The following TMEM245 variants were observed in gnomAD, a reference collection of about 807,000 sequenced individuals.
TMEM245 encodes the protein protein CG-2.
Under a neutral mutation model 101.2 loss-of-function variants are expected in TMEM245, and 69 were observed. The ratio of observed to expected loss-of-function variants is 0.68; its 90% CI spans 0.56 to 0.83. The LOEUF is 0.83. Among genes scored for constraint, TMEM245 ranks in the 40% least tolerant of loss-of-function variants. TMEM245 has a pLI of 0.00. For missense variants in TMEM245, 1,075 were observed against 1,092.8 expected (o/e 0.98, Z 0.23); for synonymous variants, 537 against 449.8 (o/e 1.19, Z -2.45).
rs1457638201 is a variant in TMEM245, at chr9:109,090,837, T to C, written c.1150+85A>G. On this transcript the variant is annotated intron_variant, in intron 5 of 17. Transcript: ENST00000374586. The stretch of plus-strand genomic sequence containing the variant: ...TTTACTTTGCAAGACGGTAAATGTA[T>C]CTCAAATATTAAAATCCAAAAGTAA... 4.1e-6 allele frequency: 5 copies of C among 1,207,364 alleles called. No homozygotes were observed. The East Asian group carries it at 9.9e-5, about 24-fold the overall frequency. The allele number at this position is 1,207,364 out of a possible 1,614,324, so 74.8% of individuals were successfully genotyped here. A position where few individuals can be genotyped will look rare whatever the true frequency, so the allele number is the denominator to read the frequency against.
chr9:109,026,084 T>TAGAA (rs1827782679), intron 17 of TMEM245, among the ~76,000 whole-genome samples: 1 of 152,212 alleles, frequency 6.6e-6, no homozygotes. Context: ...CCAAGCCCTT[T>TAGAA]CAGAGCTCAT....
At chr9:109,029,166 G>A (rs572614224) in intron 17 of TMEM245, among the ~76,000 whole-genome samples, 88 of 152,128 alleles carry the variant, frequency 5.8e-4, no homozygotes, top group African/African-American at 2.0e-3. Flanking sequence ...CCAGAAAATG[G>A]AGCCAAAAAG....
chr9:109,020,738 A>G (rs1031330712), intron 17 of TMEM245, among the ~76,000 whole-genome samples: 2 of 152,198 alleles, frequency 1.3e-5, no homozygotes, highest in Non-Finnish European at 2.9e-5. Context: ...ACTACACATG[A>G]CCACGTGACT....
At position 109,096,625 on chromosome 9, in the gene TMEM245, T is replaced by C. The variant is rs541073872; in HGVS notation, c.800-3034A>G. On this transcript the variant is annotated intron_variant, in intron 3 of 17. Coordinates refer to ENST00000374586, the MANE Select transcript of TMEM245 (RefSeq NM_032012.4). The stretch of plus-strand genomic sequence containing the variant: ...CTTAGGCCCCACTCAAGAGCAAAGT[T>C]TGGGAACACCTAATGGCCTGGGACA... 5.9e-5 allele frequency among the ~76,000 whole-genome samples: 9 copies of C among 152,254 alleles called. No individual in the cohort carries two copies. In the South Asian group the frequency reaches 1.7e-3, roughly 28 times the overall value.
intron 12 of TMEM245, 145 bp from the exon 13 acceptor site, chr9:109,050,837 A>G (rs1430858012): frequency 2.1e-6 from 2 of 961,558 alleles, no homozygotes; most frequent in Non-Finnish European, 2.9e-6. Flanking sequence ...AAATTAAAAA[A>G]AAAAAGAAAA....
chr9:109,069,616 C>G (rs1288810574), intron 9 of TMEM245, among the ~76,000 whole-genome samples: 2 of 152,164 alleles, frequency 1.3e-5, no homozygotes, highest in African/African-American at 4.8e-5. Flanking sequence ...CCAGCTGTTC[C>G]ATTCGTGCCA....
At chr9:109,046,027 G>C (rs563675375) in intron 14 of TMEM245, among the ~76,000 whole-genome samples, 1 of 152,028 alleles carries the variant, frequency 6.6e-6, no homozygotes, top group Non-Finnish European at 1.5e-5. Context: ...TTTACTAAAT[G>C]ATCATTGCTG....
chr9:109,041,890 A>G (rs1244634833), intron 14 of TMEM245, among the ~76,000 whole-genome samples: 1 of 152,028 alleles, frequency 6.6e-6, no homozygotes, highest in East Asian at 1.9e-4. Context: ...TAACGCTGTC[A>G]GAGGCCGAAG....
chr9:109,096,466 G>C (rs936969868), intron 3 of TMEM245, among the ~76,000 whole-genome samples: 4 of 152,152 alleles, frequency 2.6e-5, no homozygotes, highest in African/African-American at 9.7e-5. Context: ...AATAAGCCAA[G>C]ATCACACCAC....
At chr9:109,038,190 C>T in intron 14 of TMEM245, 73 bp from the exon 15 acceptor site, 1 of 1,115,124 alleles carries the variant, frequency 9.0e-7, no homozygotes, top group Non-Finnish European at 1.3e-6. Context: ...ATCACGTGAC[C>T]ACTTGATTCC....
intron 14 of TMEM245, among the ~76,000 whole-genome samples, chr9:109,041,079 C>T (rs938887018): frequency 3.9e-5 from 6 of 152,184 alleles, no homozygotes; most frequent in African/African-American, 1.4e-4. Flanking sequence ...TGCCTCCTAC[C>T]TCACCACATA....
At chr9:109,097,337 G>C (rs746532879) in intron 3 of TMEM245, among the ~76,000 whole-genome samples, 36 of 152,192 alleles carry the variant, frequency 2.4e-4, no homozygotes, top group Non-Finnish European at 4.3e-4. Context: ...AGTTCAATAA[G>C]ACCGGAAGAT....
intron 9 of TMEM245, 33 bp from the exon 10 acceptor site, chr9:109,064,600 TAC>T: frequency 6.3e-7 from 1 of 1,584,574 alleles, no homozygotes; most frequent in South Asian, 1.1e-5. Flanking sequence ...ATGAAAAAAG[TAC>T]ACTTTCTGTG....
At chr9:109,056,440 CAAAAAAAAAAA>C (rs753175633) in intron 12 of TMEM245, among the ~76,000 whole-genome samples, 1,266 of 36,806 alleles carry the variant, frequency 0.034, 32 homozygotes, top group African/African-American at 0.1. Context: ...ACTAAAAATG[CAAAAAAAAAAA>C]AAAAAAAAAA....
intron 8 of TMEM245, among the ~76,000 whole-genome samples, chr9:109,073,855 T>TG (rs1829409385): frequency 7.5e-6 from 1 of 134,046 alleles, no homozygotes; most frequent in Non-Finnish European, 1.6e-5. Context: ...TTTTTTTTTT[T>TG]GTTTTTTTTT....
rs556624492 is a variant in TMEM245, at chr9:109,088,893, C to T, written c.1151-1551G>A. Among the ~76,000 whole-genome samples the T allele has an allele frequency of 1.1e-3, 21 of 18,830 alleles. No individual in the cohort carries two copies. The South Asian group carries it at 0.068, about 61-fold the overall frequency. The allele number at this position is 18,830 out of a possible 152,430, so 12.4% of individuals were successfully genotyped here. Reference sequence around the variant, plus strand: ...CTGTTCCACTCAGTTTAACAGGAAGCATGGCATGGTATCTGCTCTGTGACT... The same window carrying T: ...CTGTTCCACTCAGTTTAACAGGAAGTATGGCATGGTATCTGCTCTGTGACT... On this transcript the variant is annotated intron_variant, in intron 5 of 17. Transcript: ENST00000374586.
At chr9:109,099,287 G>A (rs1012868522) in intron 3 of TMEM245, among the ~76,000 whole-genome samples, 1 of 152,132 alleles carries the variant, frequency 6.6e-6, no homozygotes, top group Non-Finnish European at 1.5e-5. Flanking sequence ...GGACTGGGAG[G>A]GGAGCAGTAA....
chr9:109,035,357 T>G (rs577654093), intron 16 of TMEM245, among the ~76,000 whole-genome samples: 19 of 152,110 alleles, frequency 1.2e-4, no homozygotes, highest in Non-Finnish European at 2.5e-4. Flanking sequence ...CAAGTTTTAA[T>G]GTGACTGAGA....
At position 109,119,889 on chromosome 9, in the gene TMEM245, C is replaced by T. The variant is rs542799910; in HGVS notation, c.25G>A (p.Asp9Asn). Residue 9 changes from aspartate to asparagine, a missense_variant, in exon 1 of 18, where the codon GAC becomes AAC. Asp to Asn is a conservative substitution (Grantham distance 23). This residue lies in a region of TMEM245 where 808 missense variants were observed against 741.5 expected (regional missense o/e 1.09). Transcript: ENST00000374586. Reference sequence around the variant, plus strand: ...GGAGAGCTCCGCAGGCTTGGCGCGTCCTTAGGGCCGCCGCCGTCGGCCATC... The same window carrying T: ...GGAGAGCTCCGCAGGCTTGGCGCGTTCTTAGGGCCGCCGCCGTCGGCCATC... MADGGGPK[D>N]APSLRSSPGP... 24 of 1,274,462 alleles carry T rather than the reference C, an allele frequency of 1.9e-5. No homozygotes were observed. In the East Asian group the frequency reaches 2.2e-4, roughly 12 times the overall value. 78.9% of individuals were successfully genotyped at this position (1,274,462 alleles called of 1,614,324 possible).
Sources: allele counts gnomAD v4.1 joint callset (sites outside exome capture counted in the v4.1 genomes callset), GRCh38; gene constraint gnomAD v4.1.1; regional missense constraint gnomAD v4.1.1; transcripts MANE v1.5; gene names NCBI Gene and HGNC (gene_info 2026-07-23, HGNC 2026-07-21).